Variants in RNF150 observed in about 807,000 individuals in gnomAD.
RNF150 encodes the protein ring finger protein 150.
Under a neutral mutation model 39.3 loss-of-function variants are expected in RNF150, and 24 were observed. That is an observed-to-expected ratio of 0.61 (90% CI 0.44 to 0.86). The LOEUF is 0.86. Among genes scored for constraint, RNF150 ranks in the 40% least tolerant of loss-of-function variants. The pLI, the probability that RNF150 is intolerant of heterozygous loss-of-function variation, is 0.00. For synonymous variants in RNF150, 255 were observed against 227.3 expected (o/e 1.12, Z -1.10); for missense variants, 502 against 587.8 (o/e 0.85, Z 1.51).
At chr4:141,155,155 G>A (rs913160608) in intron 1 of RNF150, among the ~76,000 whole-genome samples, 16 of 151,948 alleles carry the variant, frequency 1.1e-4, no homozygotes, top group African/African-American at 2.4e-5. Context: ...GCGCGATCTT[G>A]GCTCACTGCA....
At chr4:141,196,959 G>A (rs1193336348) in intron 1 of RNF150, among the ~76,000 whole-genome samples, 2 of 152,066 alleles carry the variant, frequency 1.3e-5, no homozygotes, top group Non-Finnish European at 2.9e-5. Flanking sequence ...CCAAGGTGAA[G>A]TTTTGCTCAT....
At chr4:141,056,081 T>C (rs1488534613) in intron 1 of RNF150, among the ~76,000 whole-genome samples, 6 of 152,238 alleles carry the variant, frequency 3.9e-5, no homozygotes. Flanking sequence ...AATTATTTTG[T>C]ACTGAATCAT....
intron 1 of RNF150, among the ~76,000 whole-genome samples, chr4:141,143,903 A>G (rs1331031464): frequency 1.3e-5 from 2 of 152,154 alleles, no homozygotes; most frequent in Non-Finnish European, 2.9e-5. Context: ...CCTCCCTAGA[A>G]TAAATCTCCT....
intron 1 of RNF150, among the ~76,000 whole-genome samples, chr4:141,183,179 C>T (rs1197595236): frequency 2.0e-5 from 3 of 150,410 alleles, no homozygotes; most frequent in African/African-American, 7.5e-5. Context: ...GTAGAGAAGT[C>T]AGAGTTTGTG....
At chr4:141,207,595 G>A (rs1385969862) in intron 1 of RNF150, among the ~76,000 whole-genome samples, 4 of 151,324 alleles carry the variant, frequency 2.6e-5, no homozygotes, top group African/African-American at 9.8e-5. Context: ...ACTTCGGAGA[G>A]GATTCTTCTC....
chr4:140,956,720 G>A (rs1732769902), intron 2 of RNF150, among the ~76,000 whole-genome samples: 1 of 152,078 alleles, frequency 6.6e-6, no homozygotes, highest in Non-Finnish European at 1.5e-5. Flanking sequence ...TAGATCAATG[G>A]AACAGAACAG....
rs558707296 is a variant in RNF150 at position 140,866,474 on chromosome 4, T to C, written c.*1787A>G. 3.3e-5 allele frequency: 5 copies of C among 152,304 alleles called. No individual in the cohort carries two copies. The highest frequency in any genetic ancestry group is 2.1e-4 in the South Asian group (1 of 4,826). 9.4% of individuals were successfully genotyped at this position (152,304 alleles called of 1,614,324 possible). On this transcript the variant is annotated 3_prime_UTR_variant, in exon 7 of 7. Coordinates refer to ENST00000515673, the MANE Select transcript of RNF150 (RefSeq NM_020724.2). The stretch of plus-strand genomic sequence containing the variant: ...AGAGTGGATTTCATTACAGGAAGCA[T>C]TGGACTCCTAGGGAGATGCAACCTT...
At chr4:140,920,346 AAAC>A (rs1327030327) in intron 5 of RNF150, among the ~76,000 whole-genome samples, 4 of 103,756 alleles carry the variant, frequency 3.9e-5, no homozygotes. Flanking sequence ...TACAAGAAAA[AAAC>A]AAACAACCCC....
intron 1 of RNF150, among the ~76,000 whole-genome samples, chr4:141,035,637 G>C (rs1219296110): frequency 1.3e-5 from 2 of 152,098 alleles, no homozygotes. Flanking sequence ...CTATGTCCTT[G>C]TACCCATTCA....
chr4:141,100,807 T>C (rs1560738986), intron 1 of RNF150, among the ~76,000 whole-genome samples: 1 of 152,234 alleles, frequency 6.6e-6, no homozygotes, highest in Non-Finnish European at 1.5e-5. Flanking sequence ...TGGTATTGCC[T>C]ATTGCTCCTA....
intron 1 of RNF150, among the ~76,000 whole-genome samples, chr4:141,076,881 TGGTCTAGAC>T: frequency 6.6e-6 from 1 of 152,182 alleles, no homozygotes; most frequent in Non-Finnish European, 1.5e-5. Flanking sequence ...GTTTCTCGCA[TGGTCTAGAC>T]GATCCTGTTT....
chr4:141,047,258 C>T (rs1736615659), intron 1 of RNF150, among the ~76,000 whole-genome samples: 1 of 152,028 alleles, frequency 6.6e-6, no homozygotes, highest in South Asian at 2.1e-4. Context: ...TGTTAAAACG[C>T]TATGACAGTA....
At chr4:140,946,508 G>T (rs1732317780) in intron 4 of RNF150, among the ~76,000 whole-genome samples, 1 of 151,846 alleles carries the variant, frequency 6.6e-6, no homozygotes. Context: ...AGGTCTCGCT[G>T]TCGCCCAGTG....
In RNF150 at chr4:140,863,779, G is replaced by A. The variant is rs1017350254; in HGVS notation, c.*4482C>T. The A allele has an allele frequency of 5.3e-5, 8 of 152,142 alleles. No individual in the cohort carries two copies. The highest frequency in any genetic ancestry group is 1.0e-4 in the Non-Finnish European group (7 of 68,028). The allele number at this position is 152,142 out of a possible 1,614,324, so 9.4% of individuals were successfully genotyped here. A position where few individuals can be genotyped will look rare whatever the true frequency, so the allele number is the denominator to read the frequency against. On this transcript the variant is annotated 3_prime_UTR_variant, in exon 7 of 7. Coordinates refer to ENST00000515673, the MANE Select transcript of RNF150 (RefSeq NM_020724.2). ...TAGTACCAGAAAAGACTGGGCTCTCGCTCCACAGAGGGAGTGACTCCATAG... is the reference window on the plus strand; with the variant it reads ...TAGTACCAGAAAAGACTGGGCTCTCACTCCACAGAGGGAGTGACTCCATAG...
At chr4:140,988,777 G>A (rs373148593) in intron 1 of RNF150, among the ~76,000 whole-genome samples, 1 of 152,070 alleles carries the variant, frequency 6.6e-6, no homozygotes, top group Non-Finnish European at 1.5e-5. Context: ...TGATGGACTG[G>A]ATTAAGAAAA....
intron 2 of RNF150, among the ~76,000 whole-genome samples, chr4:140,959,494 A>T (rs1732926533): frequency 6.6e-6 from 1 of 152,144 alleles, no homozygotes; most frequent in South Asian, 2.1e-4. Flanking sequence ...AGCTCTGTGC[A>T]GAGAGAGCTT....
chr4:140,918,645 A>T (rs1364299277), intron 5 of RNF150, among the ~76,000 whole-genome samples: 1 of 151,968 alleles, frequency 6.6e-6, no homozygotes, highest in Non-Finnish European at 1.5e-5. Flanking sequence ...AAACTATTCC[A>T]ATCAATACAA....
intron 1 of RNF150, among the ~76,000 whole-genome samples, chr4:141,056,004 C>T (rs1736952236): frequency 6.6e-6 from 1 of 152,108 alleles, no homozygotes; most frequent in Non-Finnish European, 1.5e-5. Context: ...CATGCCAGAG[C>T]AGTACATAAT....
chr4:141,209,521 G>A (rs1293264489), intron 1 of RNF150, among the ~76,000 whole-genome samples: 1 of 152,128 alleles, frequency 6.6e-6, no homozygotes, highest in African/African-American at 2.4e-5. Flanking sequence ...CCTAGAGTAT[G>A]TGATTAGGTG....
Sources: allele counts gnomAD v4.1 joint callset (sites outside exome capture counted in the v4.1 genomes callset), GRCh38; gene constraint gnomAD v4.1.1; transcripts MANE v1.5; gene names NCBI Gene and HGNC (gene_info 2026-07-23, HGNC 2026-07-21).